The following TMPRSS11A variants were observed in gnomAD, a reference collection of about 807,000 sequenced individuals.
The protein encoded by TMPRSS11A is transmembrane protease serine 11A.
TMPRSS11A carries 53 observed loss-of-function variants against 58.9 expected under a neutral mutation model. The ratio of observed to expected loss-of-function variants is 0.90; its 90% CI spans 0.72 to 1.13. The LOEUF (loss-of-function observed/expected upper bound fraction) is 1.13, where lower values mean the gene tolerates loss of function less well. Among genes scored for constraint, TMPRSS11A ranks in the 50% most tolerant of loss-of-function variants. The pLI, the probability that TMPRSS11A is intolerant of heterozygous loss-of-function variation, is 0.00. For missense variants in TMPRSS11A, 493 were observed against 499.3 expected (o/e 0.99, Z 0.12); for synonymous variants, 167 against 169.8 (o/e 0.98, Z 0.13).
Position 67,922,938 on chromosome 4 carries a change from T to C in TMPRSS11A, c.521-12A>G. The C allele has an allele frequency of 6.2e-7, 1 of 1,613,358 alleles. No individual in the cohort carries two copies. The highest frequency in any genetic ancestry group is 8.5e-7 in the Non-Finnish European group (1 of 1,179,370). The stretch of plus-strand genomic sequence containing the variant: ...TCGTTTACCACAACCTGAAAAAAGA[T>C]GAGATCATTAAGTTATAAGAAACAT... On this transcript the variant is annotated splice_polypyrimidine_tract_variant and intron_variant, in intron 6 of 9. Transcript: ENST00000508048.
intron 3 of TMPRSS11A, among the ~76,000 whole-genome samples, chr4:67,939,805 C>G (rs1279826492): frequency 1.3e-5 from 2 of 152,170 alleles, no homozygotes; most frequent in Non-Finnish European, 2.9e-5. Context: ...TCTCCTGCCT[C>G]AGCCCTCCGA....
Position 67,922,908 on chromosome 4 carries a change from A to T in TMPRSS11A, c.539T>A (p.Val180Asp). The change falls in exon 7 of 10, where the codon GTT becomes GAT. Residue 180 changes from valine (V) to aspartate (D), a missense_variant. Transcript: ENST00000508048. ...TGCTATTCTGTTGACGTTTAATGGA[A>T]CAACTCGTTTACCACAACCTGAAAA... ...TVQASCGKRVVPLNVNRIASG... is the reference protein window; with the variant it reads ...TVQASCGKRVDPLNVNRIASG... 6.2e-7 allele frequency: 1 copy of T among 1,614,132 alleles called. No individual in the cohort carries two copies.
At chr4:67,917,130 CTATTCT>C (rs1226310801) in intron 8 of TMPRSS11A, among the ~76,000 whole-genome samples, 52 of 151,762 alleles carry the variant, frequency 3.4e-4, no homozygotes, top group Non-Finnish European at 2.1e-4. Flanking sequence ...TTATTCATTT[CTATTCT>C]TATTCTTATT....
At chr4:67,929,604 C>T (rs766473740) in intron 5 of TMPRSS11A, among the ~76,000 whole-genome samples, 2 of 152,118 alleles carry the variant, frequency 1.3e-5, no homozygotes, top group African/African-American at 2.4e-5. Context: ...GGAGGCAGTG[C>T]CTGGGTGGGA....
At chr4:67,932,416 T>G (rs144723929) in intron 3 of TMPRSS11A, among the ~76,000 whole-genome samples, 5 of 152,266 alleles carry the variant, frequency 3.3e-5, no homozygotes, top group Non-Finnish European at 5.9e-5. Context: ...AGAGCAGAGA[T>G]AGGATATTCA....
At position 67,911,271 on chromosome 4, in the gene TMPRSS11A, C is replaced by T; in HGVS notation, c.*71G>A. 2.2e-6 allele frequency: 3 copies of T among 1,375,806 alleles called. No homozygotes were observed. The highest frequency in any genetic ancestry group is 2.3e-5 in the East Asian group (1 of 43,264). 85.2% of individuals were successfully genotyped at this position (1,375,806 alleles called of 1,614,324 possible). A position where few individuals can be genotyped will look rare whatever the true frequency, so the allele number is the denominator to read the frequency against. ...TTAATATCACTTTGTTGTACTACAC[C>T]CACTAAATAGTTGAATTCTCATGCA... is the stretch of plus-strand genomic sequence containing the variant. On this transcript the variant is annotated 3_prime_UTR_variant, in exon 10 of 10. Coordinates refer to ENST00000508048, the MANE Select transcript of TMPRSS11A (RefSeq NM_001114387.2).
In TMPRSS11A at chr4:67,944,555, A is replaced by G. The variant is rs1419620471; in HGVS notation, c.216T>C (p.Tyr72=). ...TCGTCTCTCGTAAGTCCTTAAGTTG[A>G]TATGTGTTGCTTTGTCCGAAATTGT... is the stretch of plus-strand genomic sequence containing the variant. ...INNNFGQSNT[Y]QLKDLRETTE... The change falls in exon 3 of 10, where the codon TAT becomes TAC. Residue 72 remains tyrosine, a synonymous_variant. Transcript: ENST00000508048. The G allele has an allele frequency of 4.3e-6, 7 of 1,612,984 alleles. No homozygotes were observed. The highest frequency in any genetic ancestry group is 2.7e-5 in the African/African-American group (2 of 74,876).
chr4:67,937,846 T>C (rs1720790184), intron 3 of TMPRSS11A, among the ~76,000 whole-genome samples: 1 of 152,174 alleles, frequency 6.6e-6, no homozygotes. Context: ...TTTGCTATTG[T>C]GAATACTGTG....
At position 67,930,016 on chromosome 4, in the gene TMPRSS11A, T is replaced by C; in HGVS notation, c.345A>G (p.Val115=). The C allele has an allele frequency of 1.2e-6, 2 of 1,613,070 alleles. No individual in the cohort carries two copies. Among genetic ancestry groups the C allele is most frequent in the Non-Finnish European group, 1.7e-6 (2 of 1,179,420 alleles). ...GGAACTGGAACACCATAATGACATC[T>C]ACTTTCACACCATCTTCCTCTGGAC... ...RLTPEEDGVK[V]DVIMVFQFPS... is the part of the protein sequence containing the mutation. Residue 115 remains valine (V), a synonymous_variant, in exon 5 of 10, where the codon GTA becomes GTG. Transcript: ENST00000508048.
chr4:67,930,829 T>TTTTTTTTTTA (rs1265700805), intron 4 of TMPRSS11A, among the ~76,000 whole-genome samples: 10 of 90,126 alleles, frequency 1.1e-4, no homozygotes, highest in Non-Finnish European at 1.9e-4. Context: ...TTTTTTTTTT[T>TTTTTTTTTTA]ACAAAAAAAA....
Position 67,929,921 on chromosome 4 carries a change from A to C in TMPRSS11A, c.440T>G (p.Leu147Ter). 1 of 1,613,678 alleles carries C rather than the reference A, an allele frequency of 6.2e-7. No individual in the cohort carries two copies. The highest frequency in any genetic ancestry group is 8.5e-7 in the Non-Finnish European group (1 of 1,179,706). Reference sequence around the variant, plus strand: ...TGAGGCATTTATTGGCAAGGCTCTTAAATTCCTTATCTTCTGATTTAAGAT... The same window carrying C: ...TGAGGCATTTATTGGCAAGGCTCTTCAATTCCTTATCTTCTGATTTAAGAT... Reference protein sequence around the residue: ...QSILNQKIRNLRALPINASSV... With the variant: ...QSILNQKIRN Residue 147 changes from leucine to a stop codon, truncating the protein, a stop_gained, in exon 5 of 10, where the codon TTA (leucine) becomes TGA (stop). Transcript: ENST00000508048. LOFTEE classifies it high-confidence loss of function.
rs1386334128 is a variant in TMPRSS11A, at chr4:67,929,959, C to G, written c.402G>C (p.Lys134Asn). The change falls in exon 5 of 10, where the codon AAG (lysine) becomes AAC (asparagine). Residue 134 changes from lysine (K) to asparagine (N), a missense_variant. Coordinates refer to ENST00000508048, the MANE Select transcript of TMPRSS11A (RefSeq NM_001114387.2). ...TCTGATTTAAGATGCTTTGGATTTT[C>G]TTCTCTCTTACTGCCCTTTGTTCAG... is the stretch of plus-strand genomic sequence containing the variant. ...PSTEQRAVRE[K>N]KIQSILNQKI... 1 of 1,613,886 alleles carries G rather than the reference C, an allele frequency of 6.2e-7. No individual in the cohort carries two copies. The highest frequency in any genetic ancestry group is 1.1e-5 in the South Asian group (1 of 91,040).
intron 1 of TMPRSS11A, among the ~76,000 whole-genome samples, chr4:67,962,811 A>T (rs184254497): frequency 4.6e-5 from 7 of 152,290 alleles, no homozygotes; most frequent in African/African-American, 1.7e-4. Context: ...TTTCTTCAAA[A>T]CGTAATAGGA....
intron 7 of TMPRSS11A, 120 bp downstream of exon 7, chr4:67,922,635 T>G (rs907687656): frequency 8.1e-6 from 8 of 984,568 alleles, no homozygotes; most frequent in Non-Finnish European, 1.2e-5. Context: ...GAAAAGAACC[T>G]GAAATAACTT....
At chr4:67,914,826 T>C in intron 8 of TMPRSS11A, 96 bp from the exon 9 acceptor site, 1 of 1,071,466 alleles carries the variant, frequency 9.3e-7, no homozygotes, top group Admixed American at 2.4e-5. Flanking sequence ...CATGGTAAAA[T>C]TGTCAATACA....
Position 67,922,755 on chromosome 4 carries a change from T to A in TMPRSS11A, c.692A>T (p.Lys231Met). ...WLVTAAHCFQ[K>M]YKNPHQWTVS... ...TTCTAACTTAAGGTCAATAACTTAC[T>A]TCTGGAAGCAGTGTGCTGCAGTGAC... The change falls in exon 7 of 10, where the codon AAG (lysine) becomes ATG (methionine). Residue 231 changes from lysine (K) to methionine (M), a missense_variant and splice_region_variant. Coordinates refer to ENST00000508048, the MANE Select transcript of TMPRSS11A (RefSeq NM_001114387.2). 7 of 1,613,372 alleles carry A rather than the reference T, an allele frequency of 4.3e-6. No homozygotes were observed. The highest frequency in any genetic ancestry group is 5.9e-6 in the Non-Finnish European group (7 of 1,179,408).
chr4:67,924,016 A>G, intron 6 of TMPRSS11A, 112 bp downstream of exon 6: 1 of 884,966 alleles, frequency 1.1e-6, no homozygotes, highest in Non-Finnish European at 1.9e-6. Context: ...ACAAATAGTT[A>G]TTATCTCTCA....
intron 5 of TMPRSS11A, among the ~76,000 whole-genome samples, chr4:67,924,460 G>T (rs1720413619): frequency 6.6e-6 from 1 of 152,204 alleles, no homozygotes; most frequent in South Asian, 2.1e-4. Context: ...TGGTTTTCCA[G>T]CAGTTCGGGG....
chr4:67,934,562 C>G (rs1310454018), intron 3 of TMPRSS11A, among the ~76,000 whole-genome samples: 1 of 152,114 alleles, frequency 6.6e-6, no homozygotes, highest in Non-Finnish European at 1.5e-5. Flanking sequence ...TAGGGCATTT[C>G]TAGAATTTTG....
Sources: allele counts gnomAD v4.1 joint callset (sites outside exome capture counted in the v4.1 genomes callset), GRCh38; gene constraint gnomAD v4.1.1; transcripts MANE v1.5; gene names NCBI Gene and HGNC (gene_info 2026-07-23, HGNC 2026-07-21).